FLRT2: variants seen among roughly 807,000 people sequenced by gnomAD.
The protein encoded by FLRT2 is fibronectin leucine rich transmembrane protein 2, also known as leucine-rich repeat transmembrane protein FLRT2.
In FLRT2, 15 loss-of-function variants were observed where a neutral mutation model predicts 40.0. The observed-to-expected ratio is 0.38, with a 90% CI of 0.25 to 0.58. The LOEUF is 0.58. Among genes scored for constraint, FLRT2 ranks in the 20% least tolerant of loss-of-function variants. The pLI is 0.71. For missense variants in FLRT2, 726 were observed against 840.0 expected (o/e 0.86, Z 1.68); for synonymous variants, 380 against 336.8 (o/e 1.13, Z -1.41).
In FLRT2 at chr14:85,643,332, TTTC is replaced by T. The variant is rs1894204582; in HGVS notation, c.*19838_*19840del. On this transcript the variant is annotated 3_prime_UTR_variant, in exon 2 of 2. Transcript: ENST00000330753. Reference sequence around the variant, plus strand: ...CTTTCTTTCTTTCTTTCTTTCTTTCTTTCTTTCTTTCTTTCTTTCTTTCTTCCT... The same window carrying T: ...CTTTCTTTCTTTCTTTCTTTCTTTCTTTTCTTTCTTTCTTTCTTTCTTCCT... 3.5e-5 allele frequency: 4 copies of T among 115,260 alleles called. No homozygotes were observed. The highest frequency in any genetic ancestry group is 1.1e-4 in the African/African-American group (3 of 27,910). The allele number at this position is 115,260 out of a possible 1,614,324, so 7.1% of individuals were successfully genotyped here.
chr14:85,610,018 G>T (rs561074226), intron 1 of FLRT2, among the ~76,000 whole-genome samples: 21 of 152,276 alleles, frequency 1.4e-4, no homozygotes, highest in African/African-American at 4.8e-4. Context: ...GCCTTCCCCA[G>T]TGGAAGGGAC....
In FLRT2 at chr14:85,640,722, A is replaced by G. The variant is rs1252095627; in HGVS notation, c.*17225A>G. 2.6e-5 allele frequency: 4 copies of G among 152,204 alleles called. No individual in the cohort carries two copies. Among genetic ancestry groups the G allele is most frequent in the Admixed American group, 2.0e-4 (3 of 15,282 alleles). The allele number at this position is 152,204 out of a possible 1,614,324, so 9.4% of individuals were successfully genotyped here. A position where few individuals can be genotyped will look rare whatever the true frequency, so the allele number is the denominator to read the frequency against. ...TGCTATTAGAGTCGAGCATCTCTGCAAAGAGATTTGAGCCCCTTGAGTAGA... is the reference window on the plus strand; with the variant it reads ...TGCTATTAGAGTCGAGCATCTCTGCGAAGAGATTTGAGCCCCTTGAGTAGA... On this transcript the variant is annotated 3_prime_UTR_variant, in exon 2 of 2. Transcript: ENST00000330753.
rs1027042035 is a variant in FLRT2 at position 85,643,951 on chromosome 14, A to T, written c.*20454A>T. On this transcript the variant is annotated 3_prime_UTR_variant, in exon 2 of 2. Coordinates refer to ENST00000330753, the MANE Select transcript of FLRT2 (RefSeq NM_013231.6). ...TTTCAAGAATGGATAATTGCTCATT[A>T]TAGCTTCATGAATAATATAGATGTT... is the stretch of plus-strand genomic sequence containing the variant. 6.6e-5 allele frequency: 10 copies of T among 152,216 alleles called. No homozygotes were observed. The highest frequency in any genetic ancestry group is 2.4e-4 in the African/African-American group (10 of 41,458). The allele number at this position is 152,216 out of a possible 1,614,324, so 9.4% of individuals were successfully genotyped here. A position where few individuals can be genotyped will look rare whatever the true frequency, so the allele number is the denominator to read the frequency against.
In FLRT2 at chr14:85,644,248, T is replaced by A. The variant is rs895772928; in HGVS notation, c.*20751T>A. ...GTTGCTATGGTTGTGGAAGATATGG[T>A]CTCTACTTAAACAAATTCAACTGAG... On this transcript the variant is annotated 3_prime_UTR_variant, in exon 2 of 2. Coordinates refer to ENST00000330753, the MANE Select transcript of FLRT2 (RefSeq NM_013231.6). 6.6e-6 allele frequency: 1 copy of A among 152,174 alleles called. No homozygotes were observed. Among genetic ancestry groups the A allele is most frequent in the African/African-American group, 2.4e-5 (1 of 41,442 alleles). The allele number at this position is 152,174 out of a possible 1,614,324, so 9.4% of individuals were successfully genotyped here. A position where few individuals can be genotyped will look rare whatever the true frequency, so the allele number is the denominator to read the frequency against.
In FLRT2 at chr14:85,641,355, C is replaced by T. The variant is rs1262103870; in HGVS notation, c.*17858C>T. The T allele has an allele frequency of 6.6e-6, 1 of 152,232 alleles. No individual in the cohort carries two copies. The highest frequency in any genetic ancestry group is 2.4e-5 in the African/African-American group (1 of 41,460). 9.4% of individuals were successfully genotyped at this position (152,232 alleles called of 1,614,324 possible). The stretch of plus-strand genomic sequence containing the variant: ...TGTATAAATTAGGTTCTACCAATTA[C>T]AGGCACGTGTGCAGGATTTTCAAGG... On this transcript the variant is annotated 3_prime_UTR_variant, in exon 2 of 2. Coordinates refer to ENST00000330753, the MANE Select transcript of FLRT2 (RefSeq NM_013231.6).
At chr14:85,551,948 G>T (rs894129081) in intron 1 of FLRT2, among the ~76,000 whole-genome samples, 4 of 152,114 alleles carry the variant, frequency 2.6e-5, no homozygotes, top group African/African-American at 9.7e-5. Context: ...AACTACCAAA[G>T]GTCATGTCCC....
At chr14:85,603,975 G>C (rs917457633) in intron 1 of FLRT2, among the ~76,000 whole-genome samples, 2 of 152,124 alleles carry the variant, frequency 1.3e-5, no homozygotes, top group Non-Finnish European at 2.9e-5. Flanking sequence ...CATTTTTACT[G>C]TGTTAAAACA....
chr14:85,587,664 T>C (rs767596297), intron 1 of FLRT2, among the ~76,000 whole-genome samples: 1 of 152,222 alleles, frequency 6.6e-6, no homozygotes, highest in East Asian at 1.9e-4. Context: ...TCTTTAGATG[T>C]GGTCACCGTT....
intron 1 of FLRT2, among the ~76,000 whole-genome samples, chr14:85,557,243 A>G (rs1890025157): frequency 7.3e-6 from 1 of 136,700 alleles, no homozygotes; most frequent in Admixed American, 7.3e-5. Flanking sequence ...AACATGACTA[A>G]TTTCCAGTGT....
At chr14:85,559,317 C>T (rs1261889653) in intron 1 of FLRT2, 1 of 152,160 alleles carries the variant, frequency 6.6e-6, no homozygotes, top group African/African-American at 2.4e-5. Context: ...CTTCGGGCCC[C>T]TGGGAAGACT....
intron 1 of FLRT2, among the ~76,000 whole-genome samples, chr14:85,611,491 C>T (rs942136884): frequency 6.6e-6 from 1 of 152,160 alleles, no homozygotes; most frequent in African/African-American, 2.4e-5. Flanking sequence ...GGAGGCTCAT[C>T]AGGAAAGCAC....
chr14:85,610,311 C>A (rs900392627), intron 1 of FLRT2, among the ~76,000 whole-genome samples: 1 of 152,112 alleles, frequency 6.6e-6, no homozygotes, highest in African/African-American at 2.4e-5. Context: ...AAGTTCAGAG[C>A]ATACTTTTCT....
At chr14:85,531,865 CGT>C (rs927564016) in intron 1 of FLRT2, among the ~76,000 whole-genome samples, 2 of 152,150 alleles carry the variant, frequency 1.3e-5, no homozygotes, top group African/African-American at 4.8e-5. Flanking sequence ...GTAGTGTGCG[CGT>C]GTGTGTGCTC....
At chr14:85,543,537 AAAT>A (rs1473629108) in intron 1 of FLRT2, among the ~76,000 whole-genome samples, 6 of 151,908 alleles carry the variant, frequency 3.9e-5, no homozygotes, top group African/African-American at 1.5e-4. Context: ...TAAAAAAAAA[AAAT>A]AAAGAAATCA....
At chr14:85,555,569 C>T (rs938175965) in intron 1 of FLRT2, among the ~76,000 whole-genome samples, 1 of 152,148 alleles carries the variant, frequency 6.6e-6, no homozygotes, top group Non-Finnish European at 1.5e-5. Context: ...TCAATTATCT[C>T]CCACCAGGTC....
chr14:85,648,032 G>A lies in FLRT2; in HGVS notation c.*24535G>A, dbSNP rs1349309855. The A allele has an allele frequency of 6.6e-6, 1 of 152,018 alleles. No homozygotes were observed. The highest frequency in any genetic ancestry group is 1.5e-5 in the Non-Finnish European group (1 of 68,008). The allele number at this position is 152,018 out of a possible 1,614,324, so 9.4% of individuals were successfully genotyped here. A position where few individuals can be genotyped will look rare whatever the true frequency, so the allele number is the denominator to read the frequency against. ...TTTTTCCCTACAATTTTATAAAAAT[G>A]GTGATACATTTGTAATTTGTCCCTC... On this transcript the variant is annotated 3_prime_UTR_variant, in exon 2 of 2. Coordinates refer to ENST00000330753, the MANE Select transcript of FLRT2 (RefSeq NM_013231.6).
At chr14:85,571,992 A>G (rs1890910781) in intron 1 of FLRT2, among the ~76,000 whole-genome samples, 1 of 152,124 alleles carries the variant, frequency 6.6e-6, no homozygotes, top group Admixed American at 6.6e-5. Flanking sequence ...GATCACTATT[A>G]TTATCTGACA....
At chr14:85,592,872 T>C (rs1891964771) in intron 1 of FLRT2, among the ~76,000 whole-genome samples, 2 of 150,990 alleles carry the variant, frequency 1.3e-5, no homozygotes, top group Non-Finnish European at 2.9e-5. Context: ...CCATGCAGAG[T>C]ATAATGGAAT....
At chr14:85,567,493 A>T (rs902323972) in intron 1 of FLRT2, among the ~76,000 whole-genome samples, 1 of 152,134 alleles carries the variant, frequency 6.6e-6, no homozygotes, top group African/African-American at 2.4e-5. Context: ...CAGGAGCGTA[A>T]GTTTCTGCAT....
Sources: gnomAD v4.1 joint callset for allele counts (sites outside exome capture counted in the v4.1 genomes callset) on GRCh38, gnomAD v4.1.1 for gene constraint, MANE v1.5 for transcripts, NCBI Gene and HGNC (gene_info 2026-07-23, HGNC 2026-07-21) for gene names.